Variants in KNTC1 observed in about 807,000 individuals in gnomAD.
The protein encoded by KNTC1 is kinetochore associated 1, also known as kinetochore-associated protein 1.
KNTC1 carries 253 observed loss-of-function variants against 314.4 expected under a neutral mutation model. The ratio of observed to expected loss-of-function variants is 0.80; its 90% confidence interval spans 0.73 to 0.89. The LOEUF (loss-of-function observed/expected upper bound fraction) is 0.89. KNTC1 is among the 40% of genes least tolerant of loss of function. KNTC1 has a pLI of 0.00. For missense variants in KNTC1, 2,475 were observed against 2,572.9 expected, an observed-to-expected ratio of 0.96 and a Z score of 0.82; for synonymous variants, 901 against 901.4, an observed-to-expected ratio of 1.00 and a Z score of 0.01.
Position 122,594,331 on chromosome 12 carries a change from A to G in KNTC1, c.4301A>G (p.Lys1434Arg). 2 of 1,611,302 alleles carry G rather than the reference A, an allele frequency of 1.2e-6. No homozygotes were observed. Among genetic ancestry groups the G allele is most frequent in the Non-Finnish European group, 1.7e-6 (2 of 1,177,642 alleles). ...QHFLTKKDLI[K>R]ALVENIDMDT... ...TTTCTCACCAAGAAAGACCTCATTA[A>G]AGCTCTTGTGGAGAATATAGATATG... The change falls in exon 43 of 64, where the codon AAA becomes AGA. Residue 1434 changes from lysine to arginine, a missense_variant. Coordinates refer to ENST00000333479, the MANE Select transcript of KNTC1 (RefSeq NM_014708.6).
intron 3 of KNTC1, among the ~76,000 whole-genome samples, chr12:122,536,125 G>A (rs550377889): frequency 2.5e-4 from 37 of 149,634 alleles, no homozygotes; most frequent in African/African-American, 8.8e-4. Flanking sequence ...GGATGGTCTC[G>A]ATCTCCTGAC....
intron 52 of KNTC1, 101 bp downstream of exon 52, chr12:122,609,531 A>G (rs1039684878): frequency 6.6e-6 from 5 of 752,624 alleles, no homozygotes; most frequent in East Asian, 5.6e-5. Flanking sequence ...GGCTTTCTTG[A>G]TAAAACTCAG....
intron 28 of KNTC1, 56 bp from the exon 29 acceptor site, chr12:122,575,744 C>T (rs2137940327): frequency 1.3e-6 from 2 of 1,510,036 alleles, no homozygotes; most frequent in Non-Finnish European, 1.8e-6. Context: ...TTGCTGTGTC[C>T]CATAGTACTT....
Position 122,591,242 on chromosome 12 carries a change from A to G in KNTC1, c.4129-95A>G. The G allele has an allele frequency of 5.2e-6, 4 of 762,454 alleles. No homozygotes were observed. The South Asian group carries it at 5.7e-5, about 11-fold the overall frequency. The allele number at this position is 762,454 out of a possible 1,614,324, so 47.2% of individuals were successfully genotyped here. A position where few individuals can be genotyped will look rare whatever the true frequency, so the allele number is the denominator to read the frequency against. Reference sequence around the variant, plus strand: ...TGTAACATTCTACACGGTTGATCACAAAGTTATGATTTTTATTGTTGCGTT... The same window carrying G: ...TGTAACATTCTACACGGTTGATCACGAAGTTATGATTTTTATTGTTGCGTT... On this transcript the variant is annotated intron_variant, in intron 41 of 63. Transcript: ENST00000333479.
intron 5 of KNTC1, among the ~76,000 whole-genome samples, chr12:122,541,606 A>T (rs182391562): frequency 3.3e-5 from 5 of 151,308 alleles, no homozygotes; most frequent in African/African-American, 1.2e-4. Flanking sequence ...TGGCCTCCCA[A>T]AGTGTTGGCA....
At chr12:122,619,525 G>T (rs866383544) in intron 59 of KNTC1, among the ~76,000 whole-genome samples, 1 of 151,434 alleles carries the variant, frequency 6.6e-6, no homozygotes, top group African/African-American at 2.4e-5. Context: ...CCGTTCTCCC[G>T]CCTCAGCCTC....
chr12:122,622,104 C>G, intron 61 of KNTC1, 134 bp downstream of exon 61: 1 of 735,996 alleles, frequency 1.4e-6, no homozygotes, highest in Non-Finnish European at 2.3e-6. Flanking sequence ...TTTGCTTTTA[C>G]TAAAACCTCA....
intron 21 of KNTC1, among the ~76,000 whole-genome samples, 167 bp from the exon 22 acceptor site, chr12:122,569,514 T>C (rs1964556802): frequency 6.6e-6 from 1 of 152,210 alleles, no homozygotes; most frequent in South Asian, 2.1e-4. Flanking sequence ...GCATACAGTA[T>C]GCAGCTCCCA....
intron 24 of KNTC1, among the ~76,000 whole-genome samples, 153 bp from the exon 25 acceptor site, chr12:122,572,784 C>CA: frequency 6.6e-6 from 1 of 152,030 alleles, no homozygotes; most frequent in East Asian, 1.9e-4. Context: ...TAAAATACTA[C>CA]AAAATTTAGA....
chr12:122,529,599 A>C (rs1374434172), intron 1 of KNTC1, among the ~76,000 whole-genome samples: 1 of 152,248 alleles, frequency 6.6e-6, no homozygotes, highest in African/African-American at 2.4e-5. Flanking sequence ...ATCCTATGAT[A>C]TCCCTGACAA....
intron 5 of KNTC1, 127 bp downstream of exon 5, chr12:122,539,881 A>G (rs1962152481): frequency 1.7e-6 from 1 of 584,534 alleles, no homozygotes; most frequent in Non-Finnish European, 3.0e-6. Context: ...TCCCAGGTTC[A>G]GGCGTCTCCT....
At chr12:122,551,113 A>T (rs1463707539) in intron 13 of KNTC1, among the ~76,000 whole-genome samples, 4 of 150,666 alleles carry the variant, frequency 2.7e-5, no homozygotes, top group Admixed American at 2.0e-4. Context: ...TTTTGAGTCT[A>T]TGGGATTTAT....
At chr12:122,621,311 A>G (rs1240143528) in intron 60 of KNTC1, among the ~76,000 whole-genome samples, 1 of 152,210 alleles carries the variant, frequency 6.6e-6, no homozygotes, top group East Asian at 1.9e-4. Context: ...GTAGATAGAG[A>G]TCTACATAAA....
Position 122,582,956 on chromosome 12 carries a change from G to C in KNTC1, c.3234G>C (p.Gly1078=). The change falls in exon 34 of 64, where the codon GGG becomes GGC. Residue 1078 remains glycine (G), a synonymous_variant. Coordinates refer to ENST00000333479, the MANE Select transcript of KNTC1 (RefSeq NM_014708.6). ...AELTLRALKD[G]NIKTALKKCS... is the part of the protein sequence containing the mutation. ...TGACCTTGAGAGCCTTAAAAGATGG[G>C]AACATCAAAACAGCACTGAAAAAAT... 6.2e-7 allele frequency: 1 copy of C among 1,612,268 alleles called. No individual in the cohort carries two copies. The highest frequency in any genetic ancestry group is 8.5e-7 in the Non-Finnish European group (1 of 1,179,142).
intron 44 of KNTC1, among the ~76,000 whole-genome samples, chr12:122,599,075 T>A (rs1871461796): frequency 6.6e-6 from 1 of 152,124 alleles, no homozygotes; most frequent in Admixed American, 6.6e-5. Context: ...AATTTTATTA[T>A]CATAAATTGT....
intron 37 of KNTC1, 32 bp from the exon 38 acceptor site, chr12:122,586,669 A>T (rs766720706): frequency 1.0e-5 from 12 of 1,200,160 alleles, no homozygotes; most frequent in Non-Finnish European, 1.4e-5. Context: ...CCATCTATTT[A>T]GTGTTGTTTA....
chr12:122,535,503 C>A (rs1217154649), intron 3 of KNTC1, among the ~76,000 whole-genome samples: 1 of 152,084 alleles, frequency 6.6e-6, no homozygotes, highest in African/African-American at 2.4e-5. Context: ...ATTAGCTGGC[C>A]GTGCTGGTGT....
chr12:122,527,581 C>A (rs922403556), intron 1 of KNTC1: 1 of 152,276 alleles, frequency 6.6e-6, no homozygotes, highest in Non-Finnish European at 1.5e-5. Flanking sequence ...TTCTGCATTC[C>A]GCCGCCAGAG....
chr12:122,536,142 A>T (rs892818253), intron 3 of KNTC1, among the ~76,000 whole-genome samples: 1 of 150,406 alleles, frequency 6.6e-6, no homozygotes, highest in African/African-American at 2.4e-5. Context: ...TGACCTTGTG[A>T]TCTGCCTGCC....
Sources: gnomAD v4.1 joint callset for allele counts (sites outside exome capture counted in the v4.1 genomes callset) on GRCh38, gnomAD v4.1.1 for gene constraint, MANE v1.5 for transcripts, NCBI Gene and HGNC (gene_info 2026-07-23, HGNC 2026-07-21) for gene names.